The following HCN1 variants were observed in gnomAD, a reference collection of about 807,000 sequenced individuals.
HCN1 encodes potassium/sodium hyperpolarization-activated cyclic nucleotide-gated channel 1.
In HCN1, 13 loss-of-function variants were observed where a neutral mutation model predicts 78.9. That is an observed-to-expected ratio of 0.16 (90% confidence interval 0.11 to 0.26). The LOEUF (loss-of-function observed/expected upper bound fraction) is 0.26. Ranked by LOEUF, HCN1 falls within the 10% of genes least tolerant of loss-of-function variation. The pLI, the probability that HCN1 is intolerant of heterozygous loss-of-function variation, is 1.00. For missense variants in HCN1, 810 were observed against 1,154.3 expected (o/e 0.70, Z 4.32); for synonymous variants, 552 against 455.5 (o/e 1.21, Z -2.70).
intron 1 of HCN1, among the ~76,000 whole-genome samples, chr5:45,648,455 C>T (rs1277746959): frequency 1.3e-5 from 2 of 152,064 alleles, no homozygotes; most frequent in Non-Finnish European, 2.9e-5. Context: ...TTTAAAGTAA[C>T]ATCGACTCTA....
intron 1 of HCN1, among the ~76,000 whole-genome samples, chr5:45,677,529 T>C (rs1412160037): frequency 6.6e-6 from 1 of 151,868 alleles, no homozygotes; most frequent in Non-Finnish European, 1.5e-5. Flanking sequence ...AAATAAATTC[T>C]AGGAAGTGTG....
chr5:45,276,084 GA>G (rs968221202), intron 6 of HCN1, among the ~76,000 whole-genome samples: 1 of 151,624 alleles, frequency 6.6e-6, no homozygotes, highest in African/African-American at 2.4e-5. Flanking sequence ...TCTAAAAAAT[GA>G]AAAAAACACG....
At chr5:45,607,274 T>C (rs2696010) in intron 2 of HCN1, among the ~76,000 whole-genome samples, 2 of 151,808 alleles carry the variant, frequency 1.3e-5, no homozygotes, top group African/African-American at 2.4e-5. Context: ...TAAAAATACC[T>C]TTTTTAAGAG....
intron 2 of HCN1, among the ~76,000 whole-genome samples, chr5:45,587,120 C>T (rs1179102957): frequency 2.6e-5 from 4 of 152,308 alleles, no homozygotes; most frequent in Non-Finnish European, 4.4e-5. Context: ...ACTAGTTCAA[C>T]CACTGTGGAA....
chr5:45,427,676 A>C (rs1740379321), intron 3 of HCN1, among the ~76,000 whole-genome samples: 1 of 152,132 alleles, frequency 6.6e-6, no homozygotes, highest in Admixed American at 6.6e-5. Context: ...TATTCCTAAG[A>C]TATAGATACA....
intron 2 of HCN1, among the ~76,000 whole-genome samples, chr5:45,591,650 T>A (rs1744367772): frequency 6.6e-6 from 1 of 152,218 alleles, no homozygotes; most frequent in Non-Finnish European, 1.5e-5. Flanking sequence ...TTGAGTACTT[T>A]GTACATTATT....
chr5:45,577,875 T>G (rs1381899165), intron 2 of HCN1, among the ~76,000 whole-genome samples: 3 of 152,042 alleles, frequency 2.0e-5, no homozygotes, highest in African/African-American at 7.2e-5. Flanking sequence ...GTTGCCTAAG[T>G]TGATATTAAT....
At chr5:45,658,601 C>T (rs1334913545) in intron 1 of HCN1, among the ~76,000 whole-genome samples, 6 of 151,734 alleles carry the variant, frequency 4.0e-5, no homozygotes, top group South Asian at 2.1e-4. Context: ...GTGCGCGCAC[C>T]GTGCGCGAGC....
chr5:45,686,110 T>A (rs757013917), intron 1 of HCN1, among the ~76,000 whole-genome samples: 6 of 149,414 alleles, frequency 4.0e-5, no homozygotes, highest in Non-Finnish European at 7.4e-5. Flanking sequence ...CCATGAATTT[T>A]ACATATATAT....
intron 4 of HCN1, among the ~76,000 whole-genome samples, chr5:45,379,032 T>C (rs1279617789): frequency 6.6e-6 from 1 of 152,158 alleles, no homozygotes; most frequent in East Asian, 1.9e-4. Context: ...TGATGGACAT[T>C]TGGGTTGGTT....
chr5:45,303,208 T>G (rs988970966), intron 6 of HCN1, among the ~76,000 whole-genome samples: 5 of 152,150 alleles, frequency 3.3e-5, no homozygotes, highest in East Asian at 1.9e-4. Flanking sequence ...TCATTTCTTC[T>G]ATTATTTCTG....
chr5:45,329,839 A>G (rs895803266), intron 5 of HCN1, among the ~76,000 whole-genome samples: 1 of 151,444 alleles, frequency 6.6e-6, no homozygotes, highest in African/African-American at 2.4e-5. Flanking sequence ...CTTATGGCTT[A>G]GAAGGTTCTT....
rs138623182 is a variant in HCN1, at chr5:45,599,506, T to G, written c.849+45679A>C. Among the ~76,000 whole-genome samples the G allele has an allele frequency of 4.9e-3, 746 of 152,120 alleles. 3 individuals are homozygous for G. The highest frequency in any genetic ancestry group is 7.9e-3 in the Non-Finnish European group (536 of 67,978). On this transcript the variant is annotated intron_variant, in intron 2 of 7. Transcript: ENST00000303230. ...AAACCCATGTAACAAACCTGCACAT[T>G]GTGCACATGTACCCTAGAACTTAAA...
At chr5:45,484,991 C>A (rs1741727282) in intron 2 of HCN1, among the ~76,000 whole-genome samples, 1 of 152,102 alleles carries the variant, frequency 6.6e-6, no homozygotes, top group Admixed American at 6.5e-5. Flanking sequence ...CAACTGTAAG[C>A]CTGGCCTTTT....
At chr5:45,471,783 G>A (rs184451410) in intron 2 of HCN1, among the ~76,000 whole-genome samples, 2 of 152,014 alleles carry the variant, frequency 1.3e-5, no homozygotes, top group Admixed American at 1.3e-4. Flanking sequence ...AGATAAATTT[G>A]AAATCACTTT....
intron 3 of HCN1, among the ~76,000 whole-genome samples, chr5:45,431,898 G>C (rs1421982782): frequency 6.6e-6 from 1 of 152,036 alleles, no homozygotes; most frequent in Non-Finnish European, 1.5e-5. Context: ...TTTTGCTTAG[G>C]ATTGCCTTGG....
In HCN1 at chr5:45,545,808, C is replaced by A. The variant is rs891055136; in HGVS notation, c.850-83801G>T. ...TGTGGGACACTGTTGACTATCACCT[C>A]CTTCTTGAGACACTCTTCCCCTTTC... On this transcript the variant is annotated intron_variant, in intron 2 of 7. Transcript: ENST00000303230. 2.6e-5 allele frequency among the ~76,000 whole-genome samples: 4 copies of A among 151,720 alleles called. No homozygotes were observed. The South Asian group carries it at 8.3e-4, about 32-fold the overall frequency.
At chr5:45,430,337 G>GTGTGTCTATATAAC (rs1561151915) in intron 3 of HCN1, among the ~76,000 whole-genome samples, 1 of 151,900 alleles carries the variant, frequency 6.6e-6, no homozygotes, top group East Asian at 1.9e-4. Context: ...TGTTATATAG[G>GTGTGTCTATATAAC]TAAACTGTGT....
intron 6 of HCN1, among the ~76,000 whole-genome samples, chr5:45,268,547 T>C (rs1744903083): frequency 6.6e-6 from 1 of 152,348 alleles, no homozygotes; most frequent in Admixed American, 6.5e-5. Flanking sequence ...AATCACGCTG[T>C]AGACACATGT....
Sources: gnomAD v4.1 joint callset for allele counts (sites outside exome capture counted in the v4.1 genomes callset) on GRCh38, gnomAD v4.1.1 for gene constraint, MANE v1.5 for transcripts, NCBI Gene and HGNC (gene_info 2026-07-23, HGNC 2026-07-21) for gene names.